Variants in FSTL4 observed in about 807,000 individuals in gnomAD.
FSTL4 encodes the protein follistatin like 4.
In FSTL4, 28 loss-of-function variants were observed where a neutral mutation model predicts 78.2. The ratio of observed to expected loss-of-function variants is 0.36; its 90% CI spans 0.27 to 0.49. The LOEUF is 0.49. Among genes scored for constraint, FSTL4 ranks in the 20% least tolerant of loss-of-function variants. The pLI, the probability that FSTL4 is intolerant of heterozygous loss-of-function variation, is 0.98. For synonymous variants in FSTL4, 422 were observed against 440.5 expected, an observed-to-expected ratio of 0.96 and a Z score of 0.53; for missense variants, 922 against 1,084.9, an observed-to-expected ratio of 0.85 and a Z score of 2.11.
At chr5:133,357,851 T>TG (rs1192553766) in intron 4 of FSTL4, among the ~76,000 whole-genome samples, 2 of 152,158 alleles carry the variant, frequency 1.3e-5, no homozygotes, top group Admixed American at 6.5e-5. Flanking sequence ...ACAAAACACC[T>TG]GGGGCCTTCC....
At chr5:133,395,533 C>G (rs753367841) in intron 4 of FSTL4, among the ~76,000 whole-genome samples, 3 of 152,212 alleles carry the variant, frequency 2.0e-5, no homozygotes, top group Non-Finnish European at 4.4e-5. Context: ...TCAGAGAGAC[C>G]AAGAACCCAC....
chr5:133,589,461 C>A (rs1268837564), intron 2 of FSTL4, among the ~76,000 whole-genome samples: 5 of 151,972 alleles, frequency 3.3e-5, no homozygotes, highest in African/African-American at 7.2e-5. Context: ...CATGTGAGGG[C>A]AGTAGCTGCC....
chr5:133,256,821 T>C (rs1012637621), intron 6 of FSTL4, among the ~76,000 whole-genome samples: 3 of 152,248 alleles, frequency 2.0e-5, no homozygotes, highest in Non-Finnish European at 4.4e-5. Flanking sequence ...CTTCCTGCCA[T>C]TGTCATTCCC....
At chr5:133,663,482 C>G in the FSTL4 span, among the ~76,000 whole-genome samples, 1 of 152,178 alleles carries the variant, frequency 6.6e-6, no homozygotes, top group African/African-American at 2.4e-5. Flanking sequence ...AAGAGAACAG[C>G]CATTGGTTAA....
chr5:133,251,534 G>A (rs1346826381), intron 6 of FSTL4, among the ~76,000 whole-genome samples: 2 of 151,734 alleles, frequency 1.3e-5, no homozygotes, highest in African/African-American at 2.4e-5. Flanking sequence ...CACTGCATCC[G>A]GACAATGAGA....
intron 3 of FSTL4, among the ~76,000 whole-genome samples, chr5:133,524,446 G>A (rs779751272): frequency 3.3e-5 from 5 of 152,254 alleles, no homozygotes; most frequent in Middle Eastern, 3.4e-3. Flanking sequence ...AGGCGAGAGC[G>A]GTGTCAACTC....
the FSTL4 span, among the ~76,000 whole-genome samples, chr5:133,799,918 G>C: frequency 7.2e-5 from 10 of 139,398 alleles, 1 homozygote; most frequent in South Asian, 2.3e-3. Context: ...AAGGCACCTG[G>C]TGATGTTCTG....
At chr5:133,286,967 C>T (rs1322417055) in intron 6 of FSTL4, among the ~76,000 whole-genome samples, 1 of 152,196 alleles carries the variant, frequency 6.6e-6, no homozygotes, top group Non-Finnish European at 1.5e-5. Context: ...TTCTGTCTCT[C>T]TTACTTAAAA....
rs759053960 is a variant in FSTL4, at chr5:133,400,843, C to T, written c.304G>A (p.Gly102Ser). 17 of 1,613,918 alleles carry T rather than the reference C, an allele frequency of 1.1e-5. No individual in the cohort carries two copies. Among genetic ancestry groups the T allele is most frequent in the African/African-American group, 2.7e-5 (2 of 74,932 alleles). The change falls in exon 4 of 16, where the codon GGC becomes AGC. Residue 102 changes from glycine (G) to serine (S), a missense_variant. Transcript: ENST00000265342. ...TTTTCATAAAACCTCCCATCAGAGC[C>T]GCACACAGGCACGTAGCTGGGCCTG... ...ACRPSYVPVC[G>S]SDGRFYENHC...
rs56304413 is a variant in FSTL4, at chr5:133,220,740, T to A, written c.1458+8A>T. ...GATGTAGAAGCTGCCCCAGGCACAG[T>A]TACTTACATAGCTCATGAAAATCTT... On this transcript the variant is annotated splice_region_variant and intron_variant, in intron 12 of 15. Transcript: ENST00000265342. The A allele has an allele frequency of 0.041, 58,413 of 1,414,334 alleles. 14,120 individuals carry two copies. The African/African-American group carries it at 0.61, about 15-fold the overall frequency. The allele number at this position is 1,414,334 out of a possible 1,614,324, so 87.6% of individuals were successfully genotyped here.
chr5:133,693,278 G>C, the FSTL4 span, among the ~76,000 whole-genome samples: 1 of 152,178 alleles, frequency 6.6e-6, no homozygotes, highest in Non-Finnish European at 1.5e-5. Context: ...GGCCATTCTG[G>C]AGCTGAAACA....
the FSTL4 span, among the ~76,000 whole-genome samples, chr5:133,668,762 C>T: frequency 5.9e-5 from 9 of 152,118 alleles, no homozygotes; most frequent in South Asian, 1.0e-3. Flanking sequence ...TTAAGGCTGC[C>T]CATGGAGGGG....
At chr5:133,456,571 GC>G (rs2127014980) in intron 3 of FSTL4, among the ~76,000 whole-genome samples, 1 of 152,306 alleles carries the variant, frequency 6.6e-6, no homozygotes, top group South Asian at 2.1e-4. Flanking sequence ...GAGGCCAACA[GC>G]CCTTGGTGGT....
At chr5:133,803,807 T>TAAACCCTCTTCC in the FSTL4 span, among the ~76,000 whole-genome samples, 8 of 152,232 alleles carry the variant, frequency 5.3e-5, no homozygotes, top group African/African-American at 1.9e-4. Flanking sequence ...AGCCTTCTTC[T>TAAACCCTCTTCC]ACACCCTCTT....
chr5:133,834,521 G>A, the FSTL4 span, among the ~76,000 whole-genome samples: 2 of 151,228 alleles, frequency 1.3e-5, no homozygotes, highest in Non-Finnish European at 2.9e-5. Flanking sequence ...GGGGGGTGGG[G>A]GGAGTAACAA....
At chr5:133,830,435 C>T in the FSTL4 span, among the ~76,000 whole-genome samples, 15 of 152,196 alleles carry the variant, frequency 9.9e-5, no homozygotes, top group African/African-American at 3.6e-4. Flanking sequence ...GGGGGGCCAC[C>T]ATTGCCAACA....
intron 3 of FSTL4, among the ~76,000 whole-genome samples, chr5:133,410,322 A>G (rs1333410233): frequency 6.6e-6 from 1 of 152,050 alleles, no homozygotes; most frequent in Non-Finnish European, 1.5e-5. Flanking sequence ...TCCTTCAGGT[A>G]CTTAGCTCCT....
At chr5:133,747,043 GA>G in the FSTL4 span, among the ~76,000 whole-genome samples, 1 of 152,160 alleles carries the variant, frequency 6.6e-6, no homozygotes, top group Non-Finnish European at 1.5e-5. Context: ...GGGGAGATGA[GA>G]AGCTTCTCTT....
At chr5:133,322,686 GA>G (rs1345033836) in intron 4 of FSTL4, among the ~76,000 whole-genome samples, 2 of 152,218 alleles carry the variant, frequency 1.3e-5, no homozygotes, top group Non-Finnish European at 2.9e-5. Flanking sequence ...CCTATTAGCT[GA>G]GGTTGCTCTT....
Sources: allele counts gnomAD v4.1 joint callset (sites outside exome capture counted in the v4.1 genomes callset), GRCh38; gene constraint gnomAD v4.1.1; transcripts MANE v1.5; gene names NCBI Gene and HGNC (gene_info 2026-07-23, HGNC 2026-07-21).